The following AGL variants were observed in gnomAD, a reference collection of about 807,000 sequenced individuals.
AGL encodes amylo-alpha-1,6-glucosidase and 4-alpha-glucanotransferase.
AGL carries 128 observed loss-of-function variants against 199.3 expected under a neutral mutation model. That is an observed-to-expected ratio of 0.64 (90% CI 0.56 to 0.74). The LOEUF is 0.74. Ranked by LOEUF, AGL falls within the 30% of genes least tolerant of loss-of-function variation. The pLI is 0.00. For synonymous variants in AGL, 584 were observed against 594.7 expected (o/e 0.98, Z 0.26); for missense variants, 1,809 against 1,820.8 (o/e 0.99, Z 0.12).
intron 2 of AGL, among the ~76,000 whole-genome samples, chr1:99,854,785 T>G (rs1022041629): frequency 6.7e-6 from 1 of 149,722 alleles, no homozygotes; most frequent in African/African-American, 2.4e-5. Flanking sequence ...AAAAGATAAT[T>G]TGAAATGTGA....
rs2100759240 is a variant in AGL at position 99,881,291 on chromosome 1, G to C, written c.2002-1G>C. On this transcript the variant is annotated splice_acceptor_variant, in intron 15 of 33. Transcript: ENST00000361915. LOFTEE classifies it high-confidence loss of function. ...CCATGCTAAATTTTACCTTTGTCCA[G>C]ATTTCAGTGGTTTCTGAAGAACGGT... 6.2e-7 allele frequency: 1 copy of C among 1,614,024 alleles called. No homozygotes were observed. The highest frequency in any genetic ancestry group is 8.5e-7 in the Non-Finnish European group (1 of 1,179,980).
intron 7 of AGL, 196 bp from the exon 8 acceptor site, chr1:99,874,490 TG>T (rs1327705573): frequency 1.8e-6 from 1 of 567,772 alleles, no homozygotes; most frequent in African/African-American, 1.9e-5. Flanking sequence ...ACCCCTCGTG[TG>T]TGTTTGCGCG....
At chr1:99,905,941 T>C (rs1347168082) in intron 27 of AGL, among the ~76,000 whole-genome samples, 1 of 152,132 alleles carries the variant, frequency 6.6e-6, no homozygotes, top group Non-Finnish European at 1.5e-5. Flanking sequence ...TTTTGTTTTG[T>C]TTTTACTATT....
rs776076859 is a variant in AGL at position 99,870,383 on chromosome 1, T to C, written c.665-17T>C. On this transcript the variant is annotated splice_polypyrimidine_tract_variant and intron_variant, in intron 5 of 33. Coordinates refer to ENST00000361915, the MANE Select transcript of AGL (RefSeq NM_000642.3). ...TTTAATTATGAGATACTCCTTTGTGTCTCCTTTTTCCTTCAGCTGCTAATA... is the reference window on the plus strand; with the variant it reads ...TTTAATTATGAGATACTCCTTTGTGCCTCCTTTTTCCTTCAGCTGCTAATA... 1.2e-6 allele frequency: 2 copies of C among 1,611,068 alleles called. No individual in the cohort carries two copies. The highest frequency in any genetic ancestry group is 1.7e-6 in the Non-Finnish European group (2 of 1,177,310).
rs773101055 is a variant in AGL at position 99,870,806 on chromosome 1, T to G, written c.895T>G (p.Trp299Gly). Residue 299 changes from tryptophan (W) to glycine (G), a missense_variant, in exon 7 of 34, where the codon TGG (tryptophan) becomes GGG (glycine). Transcript: ENST00000361915. ...GGATATTTTTCCAAAGCTTAAACTC[T>G]GGGAATTTTTCCAAGTAGATGTCAA... The part of the protein sequence containing the change: ...WEDIFPKLKL[W>G]EFFQVDVNKA... The G allele has an allele frequency of 2.2e-5, 35 of 1,611,952 alleles. No individual in the cohort carries two copies. Among genetic ancestry groups the G allele is most frequent in the Middle Eastern group, 1.6e-4 (1 of 6,070 alleles).
chr1:99,869,697 CT>C (rs1650825423), intron 5 of AGL, among the ~76,000 whole-genome samples: 1 of 152,178 alleles, frequency 6.6e-6, no homozygotes, highest in Admixed American at 6.5e-5. Context: ...ATTGTTACTA[CT>C]TTTTATTTTA....
Position 99,913,551 on chromosome 1 carries a change from A to G in AGL, c.3974A>G (p.Asp1325Gly). ...RHGKAIKVSYDEWNRKIQDNF... is the reference protein window; with the variant it reads ...RHGKAIKVSYGEWNRKIQDNF... Reference sequence around the variant, plus strand: ...GGAAAGGCTATAAAGGTCTCATATGATGAGTGGAACAGAAAAATACAAGAC... The same window carrying G: ...GGAAAGGCTATAAAGGTCTCATATGGTGAGTGGAACAGAAAAATACAAGAC... Residue 1325 changes from aspartate (D) to glycine (G), a missense_variant, in exon 30 of 34, where the codon GAT becomes GGT. Asp to Gly is a moderately conservative substitution (Grantham distance 94). Transcript: ENST00000361915. 6.2e-7 allele frequency: 1 copy of G among 1,613,862 alleles called. No individual in the cohort carries two copies. Among genetic ancestry groups the G allele is most frequent in the Non-Finnish European group, 8.5e-7 (1 of 1,179,868 alleles).
chr1:99,880,902 G>A (rs985327204), intron 14 of AGL, 107 bp downstream of exon 14: 73 of 1,379,606 alleles, frequency 5.3e-5, no homozygotes, highest in Non-Finnish European at 7.2e-5. Flanking sequence ...TAGTGTCTTA[G>A]ATTTATAACT....
At chr1:99,896,177 G>A (rs1368159697) in intron 24 of AGL, 109 bp from the exon 25 acceptor site, 2 of 935,212 alleles carry the variant, frequency 2.1e-6, no homozygotes, top group Admixed American at 1.8e-5. Context: ...ATTTGCAGGT[G>A]CCTGCCTTGT....
chr1:99,851,189 C>G, intron 2 of AGL, 65 bp downstream of exon 2: 1 of 1,369,142 alleles, frequency 7.3e-7, no homozygotes, highest in East Asian at 2.3e-5. Flanking sequence ...ATTGGCAGTC[C>G]TGTTAAATGT....
intron 4 of AGL, among the ~76,000 whole-genome samples, chr1:99,863,729 A>T (rs1215506751): frequency 1.4e-5 from 2 of 147,730 alleles, no homozygotes; most frequent in Non-Finnish European, 3.0e-5. Flanking sequence ...GATTACAGGC[A>T]TGAGCCACTG....
At position 99,913,559 on chromosome 1, in the gene AGL, A is replaced by C. The variant is rs773550577; in HGVS notation, c.3982A>C (p.Asn1328His). The C allele has an allele frequency of 6.2e-7, 1 of 1,613,960 alleles. No individual in the cohort carries two copies. The highest frequency in any genetic ancestry group is 8.5e-7 in the Non-Finnish European group (1 of 1,179,948). ...TATAAAGGTCTCATATGATGAGTGG[A>C]ACAGAAAAATACAAGACAACTTTGA... ...KAIKVSYDEW[N>H]RKIQDNFEKL... Residue 1328 changes from asparagine to histidine, a missense_variant, in exon 30 of 34, where the codon AAC becomes CAC. By Grantham distance (68) the Asn-to-His change is moderately conservative. Coordinates refer to ENST00000361915, the MANE Select transcript of AGL (RefSeq NM_000642.3).
At position 99,892,512 on chromosome 1, in the gene AGL, C is replaced by G. The variant is rs749163043; in HGVS notation, c.3164C>G (p.Ser1055Cys). The change falls in exon 24 of 34, where the codon TCC (serine) becomes TGC (cysteine). Residue 1055 changes from serine to cysteine, a missense_variant. By Grantham distance (112) the Ser-to-Cys change is moderately radical. Coordinates refer to ENST00000361915, the MANE Select transcript of AGL (RefSeq NM_000642.3). ...VQLCGVGKFP[S>C]LPILSPALMD... ...CTGTGTGGAGTAGGAAAATTCCCTTCCCTGCCAATTCTTTCACCTGCCCTA... is the reference window on the plus strand; with the variant it reads ...CTGTGTGGAGTAGGAAAATTCCCTTGCCTGCCAATTCTTTCACCTGCCCTA... 1.7e-5 allele frequency: 28 copies of G among 1,613,460 alleles called. No homozygotes were observed. In the Admixed American group the frequency reaches 2.0e-4, roughly 12 times the overall value.
At position 99,922,905 on chromosome 1, in the gene AGL, A is replaced by G. The variant is rs1001786734; in HGVS notation, c.*1254A>G. 2.6e-5 allele frequency: 4 copies of G among 152,046 alleles called. No homozygotes were observed. Among genetic ancestry groups the G allele is most frequent in the Non-Finnish European group, 4.4e-5 (3 of 67,942 alleles). 9.4% of individuals were successfully genotyped at this position (152,046 alleles called of 1,614,324 possible). ...AAAGTAGCATTTTTTTAGTTAGTTT[A>G]CAGGTTACATACCCAAAACCTTAAC... is the stretch of plus-strand genomic sequence containing the variant. On this transcript the variant is annotated 3_prime_UTR_variant, in exon 34 of 34. Coordinates refer to ENST00000361915, the MANE Select transcript of AGL (RefSeq NM_000642.3).
At chr1:99,908,231 A>G (rs112185620) in intron 27 of AGL, among the ~76,000 whole-genome samples, 1,567 of 150,664 alleles carry the variant, frequency 0.01, 30 homozygotes, top group African/African-American at 0.037. Context: ...TTGCATGTGA[A>G]TATCCAGTTT....
chr1:99,878,774 A>G (rs1337226611), intron 12 of AGL, among the ~76,000 whole-genome samples: 1 of 152,232 alleles, frequency 6.6e-6, no homozygotes, highest in East Asian at 1.9e-4. Flanking sequence ...AATTGATTTG[A>G]TTTGGAGGGA....
chr1:99,861,089 CCA>C lies in AGL; in HGVS notation c.83-413_83-412del. The C allele has an allele frequency of 4.1e-6, 3 of 723,438 alleles. No homozygotes were observed. The East Asian group carries it at 2.7e-4, about 65-fold the overall frequency. The allele number at this position is 723,438 out of a possible 1,614,324, so 44.8% of individuals were successfully genotyped here. A position where few individuals can be genotyped will look rare whatever the true frequency, so the allele number is the denominator to read the frequency against. On this transcript the variant is annotated intron_variant, in intron 2 of 33. Transcript: ENST00000361915. ...ACAGACTATCACATACTTTCTGACA[CCA>C]TAGAGAAACTAGCTTTCTCTGTTGC...
chr1:99,915,475 T>G lies in AGL; in HGVS notation c.4248T>G (p.Thr1416=). 8 of 1,608,064 alleles carry G rather than the reference T, an allele frequency of 5.0e-6. No homozygotes were observed. Among genetic ancestry groups the G allele is most frequent in the Non-Finnish European group, 6.8e-6 (8 of 1,174,644 alleles). Residue 1416 remains threonine (T), a synonymous_variant, in exon 31 of 34, where the codon ACT becomes ACG. Transcript: ENST00000361915. ...TGCTTGGTCCCCTTGGCATGAAAAC[T>G]TTAGATCCAGAGTAAGTTGGAATAT... ...KKLLGPLGMK[T]LDPDDMVYCG... is the part of the protein sequence containing the mutation.
Position 99,861,313 on chromosome 1 carries a change from A to G in AGL, c.83-190A>G, listed in dbSNP as rs960140279. 6.8e-6 allele frequency: 10 copies of G among 1,460,496 alleles called. No homozygotes were observed. In the African/African-American group the frequency reaches 7.1e-5, roughly 10 times the overall value. 90.5% of individuals were successfully genotyped at this position (1,460,496 alleles called of 1,614,324 possible). The stretch of plus-strand genomic sequence containing the variant: ...AGCAGACAGCTCTATGATGTTTACT[A>G]TACTTGCTAAAATGTGAAATTCAGC... On this transcript the variant is annotated intron_variant, in intron 2 of 33. Transcript: ENST00000361915.
Sources: gnomAD v4.1 joint callset for allele counts (sites outside exome capture counted in the v4.1 genomes callset) on GRCh38, gnomAD v4.1.1 for gene constraint, MANE v1.5 for transcripts, NCBI Gene and HGNC (gene_info 2026-07-23, HGNC 2026-07-21) for gene names.